Variants in DDX60L observed in about 807,000 individuals in gnomAD.
DDX60L encodes probable ATP-dependent RNA helicase DDX60-like.
Under a neutral mutation model 211.6 loss-of-function variants are expected in DDX60L, and 191 were observed. The ratio of observed to expected loss-of-function variants is 0.90; its 90% CI spans 0.80 to 1.02. The LOEUF (loss-of-function observed/expected upper bound fraction) is 1.02, where lower values mean the gene tolerates loss of function less well. Ranked by LOEUF, DDX60L falls within the 50% of genes least tolerant of loss-of-function variation. The pLI, the probability that DDX60L is intolerant of heterozygous loss-of-function variation, is 0.00. For missense variants in DDX60L, 2,007 were observed against 1,984.1 expected (o/e 1.01, Z -0.22); for synonymous variants, 706 against 694.1 (o/e 1.02, Z -0.27).
chr4:168,411,943 C>A (rs1748749423), intron 22 of DDX60L, among the ~76,000 whole-genome samples: 2 of 151,846 alleles, frequency 1.3e-5, no homozygotes, highest in South Asian at 4.2e-4. Flanking sequence ...AGTCATGAGG[C>A]CCCCATTCCA....
intron 9 of DDX60L, among the ~76,000 whole-genome samples, chr4:168,442,246 G>T (rs919980963): frequency 1.3e-5 from 2 of 152,130 alleles, no homozygotes; most frequent in Non-Finnish European, 2.9e-5. Context: ...GGTGACGGAC[G>T]GCACCTGGAA....
intron 1 of DDX60L, among the ~76,000 whole-genome samples, chr4:168,474,270 C>T (rs968731621): frequency 5.9e-5 from 9 of 152,084 alleles, no homozygotes; most frequent in African/African-American, 2.2e-4. Context: ...GAGCCCCTCC[C>T]ATTTAAGAGA....
At chr4:168,430,036 A>G (rs1479286398) in intron 13 of DDX60L, among the ~76,000 whole-genome samples, 3 of 152,152 alleles carry the variant, frequency 2.0e-5, no homozygotes, top group African/African-American at 7.2e-5. Context: ...TGTGTCTACT[A>G]AAAATACCAA....
intron 25 of DDX60L, 46 bp from the exon 26 acceptor site, chr4:168,401,024 C>A (rs1387845379): frequency 1.3e-6 from 2 of 1,561,122 alleles, no homozygotes; most frequent in Admixed American, 1.9e-5. Context: ...ATGTTTCTAT[C>A]CATATTGTAA....
chr4:168,473,605 A>C (rs1175421789), intron 1 of DDX60L, among the ~76,000 whole-genome samples: 5 of 152,234 alleles, frequency 3.3e-5, no homozygotes, highest in Non-Finnish European at 7.3e-5. Context: ...AACAAAGCAC[A>C]CTGAAAGGTG....
intron 16 of DDX60L, among the ~76,000 whole-genome samples, 193 bp downstream of exon 16, chr4:168,422,331 G>A (rs902145847): frequency 2.0e-5 from 3 of 152,128 alleles, no homozygotes; most frequent in African/African-American, 4.8e-5. Flanking sequence ...TTCCACTGAT[G>A]GTGAAAATAA....
intron 10 of DDX60L, among the ~76,000 whole-genome samples, chr4:168,440,912 C>T (rs1256507764): frequency 2.0e-5 from 3 of 152,024 alleles, no homozygotes; most frequent in Non-Finnish European, 4.4e-5. Flanking sequence ...ATGTCTCAGA[C>T]ATTATACCGA....
At chr4:168,430,060 C>A (rs2634943) in intron 13 of DDX60L, among the ~76,000 whole-genome samples, 110,268 of 152,044 alleles carry the variant, frequency 0.73, 41,795 homozygotes, top group East Asian at 0.92. Flanking sequence ...TTAGCCGGGC[C>A]TGGTGGTGGG....
At chr4:168,395,931 G>A (rs4692657) in intron 27 of DDX60L, 28 bp downstream of exon 27, 257,638 of 1,472,396 alleles carry the variant, frequency 0.17, 23,961 homozygotes, top group Middle Eastern at 0.2. Flanking sequence ...CAACTGTAAC[G>A]TATTATATTA....
intron 14 of DDX60L, among the ~76,000 whole-genome samples, chr4:168,425,572 G>A (rs1751325271): frequency 6.6e-6 from 1 of 152,160 alleles, no homozygotes; most frequent in South Asian, 2.1e-4. Context: ...GACCAGCCTG[G>A]CCAACATGGC....
chr4:168,466,350 T>A (rs1465131158), intron 4 of DDX60L, among the ~76,000 whole-genome samples: 1 of 152,062 alleles, frequency 6.6e-6, no homozygotes, highest in Non-Finnish European at 1.5e-5. Flanking sequence ...AAAGGATAAA[T>A]GAGGGCAGAA....
chr4:168,450,061 G>A (rs374852788), intron 8 of DDX60L, among the ~76,000 whole-genome samples: 7 of 152,092 alleles, frequency 4.6e-5, no homozygotes, highest in African/African-American at 9.7e-5. Context: ...CTGGGGACTC[G>A]GCGGCCCATG....
intron 6 of DDX60L, among the ~76,000 whole-genome samples, chr4:168,457,316 T>C (rs1756718862): frequency 6.7e-6 from 1 of 150,362 alleles, no homozygotes; most frequent in African/African-American, 2.4e-5. Flanking sequence ...ACACACAATA[T>C]GTCCTCAGCT....
intron 4 of DDX60L, among the ~76,000 whole-genome samples, chr4:168,464,253 G>A (rs2171678): frequency 0.29 from 43,563 of 151,886 alleles, 7,930 homozygotes; most frequent in East Asian, 0.62. Context: ...CACCAAAATA[G>A]GCCATGTATT....
rs1402365625 is a variant in DDX60L at position 168,421,967 on chromosome 4, CA to C, written c.2245-59del. 8 of 1,606,640 alleles carry C rather than the reference CA, an allele frequency of 5.0e-6. No individual in the cohort carries two copies. The African/African-American group carries it at 8.0e-5, about 16-fold the overall frequency. ...AAGTGAACAGCATGTTACCAAAACA[CA>C]GACAGTATCCTTTGTACCTTCTGTC... On this transcript the variant is annotated intron_variant, in intron 16 of 37. Coordinates refer to ENST00000682922, the MANE Select transcript of DDX60L (RefSeq NM_001012967.3).
At chr4:168,449,206 T>G (rs932821480) in intron 8 of DDX60L, among the ~76,000 whole-genome samples, 1 of 151,990 alleles carries the variant, frequency 6.6e-6, no homozygotes, top group African/African-American at 2.4e-5. Flanking sequence ...GTTAGAGCGG[T>G]CTTTGCCCTT....
Position 168,448,732 on chromosome 4 carries a change from T to C in DDX60L, c.1044A>G (p.Gly348=), listed in dbSNP as rs373626434. 25 of 1,607,120 alleles carry C rather than the reference T, an allele frequency of 1.6e-5. No homozygotes were observed. The African/African-American group carries it at 3.3e-4, about 21-fold the overall frequency. The change falls in exon 9 of 38, where the codon GGA becomes GGG. Residue 348 remains glycine, a synonymous_variant. Coordinates refer to ENST00000682922, the MANE Select transcript of DDX60L (RefSeq NM_001012967.3). The stretch of plus-strand genomic sequence containing the variant: ...CATGATTTAAATTCAGATTCCAGCA[T>C]CCAAAAACGTTTAAGTTGCTTAAAA... The part of the protein sequence containing the change: ...YFILSNLNVF[G]CWNLNLNHVS...
At chr4:168,362,045 C>A (rs2149591573) in intron 36 of DDX60L, among the ~76,000 whole-genome samples, 1 of 152,354 alleles carries the variant, frequency 6.6e-6, no homozygotes, top group South Asian at 2.1e-4. Context: ...AGCAAGAAAA[C>A]CACTGAACAG....
chr4:168,395,924 C>G lies in DDX60L; in HGVS notation c.3657+35G>C, dbSNP rs374235636. 9.3e-6 allele frequency: 13 copies of G among 1,402,224 alleles called. No homozygotes were observed. The African/African-American group carries it at 1.9e-4, about 20-fold the overall frequency. 86.9% of individuals were successfully genotyped at this position (1,402,224 alleles called of 1,614,324 possible). ...CGATCACTATGATAAAATGTCACAA[C>G]TGTAACGTATTATATTAATAATTCT... On this transcript the variant is annotated intron_variant, in intron 27 of 37. Transcript: ENST00000682922.
Sources: gnomAD v4.1 joint callset for allele counts (sites outside exome capture counted in the v4.1 genomes callset) on GRCh38, gnomAD v4.1.1 for gene constraint, MANE v1.5 for transcripts, NCBI Gene and HGNC (gene_info 2026-07-23, HGNC 2026-07-21) for gene names.